BCAR3: variants seen among roughly 807,000 people sequenced by gnomAD.
The protein encoded by BCAR3 is BCAR3 adaptor protein, NSP family member.
Under a neutral mutation model 80.1 loss-of-function variants are expected in BCAR3, and 37 were observed. The ratio of observed to expected loss-of-function variants is 0.46; its 90% CI spans 0.36 to 0.61. The LOEUF is 0.61. BCAR3 is among the 20% of genes least tolerant of loss of function. The pLI, the probability that BCAR3 is intolerant of heterozygous loss-of-function variation, is 0.00. For missense variants in BCAR3, 978 were observed against 1,068.2 expected, an observed-to-expected ratio of 0.92 and a Z score of 1.18; for synonymous variants, 389 against 418.9, an observed-to-expected ratio of 0.93 and a Z score of 0.87.
intron 3 of BCAR3, among the ~76,000 whole-genome samples, chr1:93,614,662 T>C (rs937740244): frequency 1.3e-5 from 2 of 152,232 alleles, no homozygotes; most frequent in Non-Finnish European, 1.5e-5. Context: ...TTTTGGTGTT[T>C]AATTAGCAAG....
chr1:93,789,075 A>G (rs1007220363), intron 2 of BCAR3, among the ~76,000 whole-genome samples: 9 of 152,000 alleles, frequency 5.9e-5, no homozygotes, highest in Non-Finnish European at 7.4e-5. Context: ...AGCTCACTAT[A>G]ACCTCTTACT....
intron 2 of BCAR3, among the ~76,000 whole-genome samples, chr1:93,774,057 C>T (rs374883640): frequency 1.8e-4 from 27 of 152,120 alleles, no homozygotes; most frequent in African/African-American, 6.0e-4. Context: ...TGCTTGTCTT[C>T]GAATAACTAT....
chr1:93,674,902 G>T lies in BCAR3; in HGVS notation c.29C>A (p.Pro10His). MAAGKFASL[P>H]RNMPVNHQFP... ...CTGGTGATTCACCGGCATGTTTCTG[G>T]GAAGGCTTGCAAATTTTCCTGCAGC... The change falls in exon 2 of 12, where the codon CCC (proline) becomes CAC (histidine). Residue 10 changes from proline (P) to histidine (H), a missense_variant. By Grantham distance (77) the Pro-to-His change is moderately conservative (BLOSUM62 -2). Coordinates refer to ENST00000260502, the MANE Select transcript of BCAR3 (RefSeq NM_003567.4). 6.4e-7 allele frequency: 1 copy of T among 1,562,544 alleles called. No individual in the cohort carries two copies.
At chr1:93,593,939 GGA>G (rs1382114351) in intron 3 of BCAR3, among the ~76,000 whole-genome samples, 16 of 152,274 alleles carry the variant, frequency 1.1e-4, no homozygotes, top group African/African-American at 3.9e-4. Flanking sequence ...TCTGAAGGAT[GGA>G]ATTTGCATCA....
intron 2 of BCAR3, among the ~76,000 whole-genome samples, chr1:93,833,564 C>G (rs1361583680): frequency 2.6e-5 from 4 of 152,152 alleles, no homozygotes. Flanking sequence ...ATTTTAGAAG[C>G]CTCCCCTGGG....
chr1:93,818,216 C>T (rs538222193), intron 2 of BCAR3, among the ~76,000 whole-genome samples: 1 of 152,346 alleles, frequency 6.6e-6, no homozygotes, highest in Admixed American at 6.5e-5. Flanking sequence ...GTGCTTTACA[C>T]ACACAAGGAG....
At chr1:93,739,550 C>T (rs1048034491) in intron 2 of BCAR3, among the ~76,000 whole-genome samples, 11 of 152,156 alleles carry the variant, frequency 7.2e-5, no homozygotes, top group Non-Finnish European at 1.2e-4. Flanking sequence ...CCTCTTAGAA[C>T]GCATGCAGGG....
intron 3 of BCAR3, among the ~76,000 whole-genome samples, chr1:93,634,876 G>A (rs977295611): frequency 3.9e-5 from 6 of 152,096 alleles, no homozygotes; most frequent in Admixed American, 2.6e-4. Context: ...GCCCAGTCTC[G>A]GGTATGTCTT....
chr1:93,693,929 A>G (rs1006367209), intron 3 of BCAR3, among the ~76,000 whole-genome samples: 1 of 152,176 alleles, frequency 6.6e-6, no homozygotes, highest in Non-Finnish European at 1.5e-5. Flanking sequence ...GCCCCTGAGC[A>G]CCTACTCTTG....
intron 2 of BCAR3, among the ~76,000 whole-genome samples, chr1:93,839,246 C>G (rs1654875161): frequency 6.6e-6 from 1 of 152,090 alleles, no homozygotes; most frequent in African/African-American, 2.4e-5. Context: ...GAGATTGTGG[C>G]ACTGCACTCC....
At chr1:93,565,419 G>T (rs1672904007) in intron 11 of BCAR3, among the ~76,000 whole-genome samples, 1 of 152,032 alleles carries the variant, frequency 6.6e-6, no homozygotes, top group Non-Finnish European at 1.5e-5. Context: ...CATTCACGTG[G>T]TCTGGTCTAT....
chr1:93,776,468 C>T (rs964565569), intron 2 of BCAR3, among the ~76,000 whole-genome samples: 2 of 152,042 alleles, frequency 1.3e-5, no homozygotes, highest in Non-Finnish European at 2.9e-5. Context: ...TTTAAACTGT[C>T]GATAAGCCAT....
chr1:93,688,768 TTTTG>T lies in BCAR3; in HGVS notation c.-11-13831_-11-13828del, dbSNP rs762997783. On this transcript the variant is annotated intron_variant, in intron 3 of 13. Coordinates refer to the BCAR3 transcript ENST00000370244. ...GTGCCACCACACCTGGCTAAGGTTT[TTTTG>T]TTTGTTTTTGTTTGTTTGTTTGTTT... Among the ~76,000 whole-genome samples, 269 of 129,522 alleles carry T rather than the reference TTTTG, an allele frequency of 2.1e-3. 1 individual carries two copies. Among genetic ancestry groups the T allele is most frequent in the Admixed American group, 3.3e-3 (47 of 14,424 alleles). The allele number at this position is 129,522 out of a possible 152,430, so 85.0% of individuals were successfully genotyped here.
intron 3 of BCAR3, among the ~76,000 whole-genome samples, chr1:93,594,114 C>T (rs1674325388): frequency 6.6e-6 from 1 of 152,218 alleles, no homozygotes; most frequent in African/African-American, 2.4e-5. Flanking sequence ...CGTTTATTGT[C>T]TGACTTGCCT....
intron 11 of BCAR3, among the ~76,000 whole-genome samples, chr1:93,563,928 A>G (rs1672810317): frequency 1.3e-5 from 2 of 152,212 alleles, no homozygotes; most frequent in Admixed American, 1.3e-4. Flanking sequence ...TTTTGACCTC[A>G]GGTGATCCAC....
rs561656542 is a variant in BCAR3 at position 93,596,813 on chromosome 1, AGAG to A, written c.358-4423_358-4421del. On this transcript the variant is annotated intron_variant, in intron 3 of 11. Transcript: ENST00000260502. The stretch of plus-strand genomic sequence containing the variant: ...GTCTTGAGGGGAAGGAGGTGGCAGC[AGAG>A]GAGGAGTCAGAGAGACAAAGTTGGT... Among the ~76,000 whole-genome samples, 202 of 152,318 alleles carry A rather than the reference AGAG, an allele frequency of 1.3e-3. 1 individual carries two copies. The highest frequency in any genetic ancestry group is 4.7e-3 in the African/African-American group (196 of 41,566).
intron 2 of BCAR3, among the ~76,000 whole-genome samples, chr1:93,784,386 G>A (rs1652871596): frequency 6.6e-6 from 1 of 152,134 alleles, no homozygotes; most frequent in African/African-American, 2.4e-5. Flanking sequence ...GGAACTGCCT[G>A]CCCCAGAATG....
At chr1:93,835,191 T>G (rs933152903) in intron 2 of BCAR3, among the ~76,000 whole-genome samples, 6 of 152,188 alleles carry the variant, frequency 3.9e-5, no homozygotes, top group African/African-American at 1.4e-4. Context: ...TATGCTGTTA[T>G]ATGGGCTGAA....
chr1:93,677,960 T>C (rs1348118616), intron 1 of BCAR3, among the ~76,000 whole-genome samples: 1 of 152,200 alleles, frequency 6.6e-6, no homozygotes, highest in East Asian at 1.9e-4. Flanking sequence ...TCAGGAATCA[T>C]ACAATACCCA....
Sources: allele counts gnomAD v4.1 joint callset (sites outside exome capture counted in the v4.1 genomes callset), GRCh38; gene constraint gnomAD v4.1.1; transcripts MANE v1.5; gene names NCBI Gene and HGNC (gene_info 2026-07-23, HGNC 2026-07-21).